UTRN: variants seen among roughly 807,000 people sequenced by gnomAD.
UTRN encodes utrophin.
UTRN carries 283 observed loss-of-function variants against 463.9 expected under a neutral mutation model. That is an observed-to-expected ratio of 0.61 (90% CI 0.55 to 0.67). The LOEUF (loss-of-function observed/expected upper bound fraction) is 0.67, where lower values mean the gene tolerates loss of function less well. Among genes scored for constraint, UTRN ranks in the 30% least tolerant of loss-of-function variants. UTRN has a pLI of 0.00. For missense variants in UTRN, 3,922 were observed against 4,084.3 expected (o/e 0.96, Z 1.08); for synonymous variants, 1,442 against 1,431.5 (o/e 1.01, Z -0.17).
chr6:144,597,235 C>CAAAAAAA lies in UTRN; in HGVS notation c.7479+19958_7479+19964dup, dbSNP rs67471247. On this transcript the variant is annotated intron_variant, in intron 51 of 74. Transcript: ENST00000367545. Reference sequence around the variant, plus strand: ...CCTGGGCAACAGAGTGAGACTGTCTCAAAAAAAAAAAAAAAAAGTGCCTTA... The same window carrying CAAAAAAA: ...CCTGGGCAACAGAGTGAGACTGTCTCAAAAAAAAAAAAAAAAAAAAAAAAGTGCCTTA... 2.2e-3 allele frequency among the ~76,000 whole-genome samples: 187 copies of CAAAAAAA among 85,560 alleles called. 3 individuals are homozygous for CAAAAAAA. The highest frequency in any genetic ancestry group is 6.3e-3 in the Middle Eastern group (1 of 160). 56.1% of individuals were successfully genotyped at this position (85,560 alleles called of 152,430 possible). A position where few individuals can be genotyped will look rare whatever the true frequency, so the allele number is the denominator to read the frequency against.
At chr6:144,447,537 G>C (rs1787818131) in intron 15 of UTRN, 65 bp from the exon 16 acceptor site, 1 of 1,567,150 alleles carries the variant, frequency 6.4e-7, no homozygotes, top group Non-Finnish European at 8.7e-7. Context: ...TAAAATTTTT[G>C]GCTGGGGAAC....
At position 144,778,727 on chromosome 6, in the gene UTRN, G is replaced by A. The variant is rs575995480; in HGVS notation, c.8633-3195G>A. On this transcript the variant is annotated intron_variant, in intron 60 of 74. Coordinates refer to ENST00000367545, the MANE Select transcript of UTRN (RefSeq NM_007124.3). ...GCTTAACAGTGTTCATTGTTTTGCA[G>A]AACAGGAGAATGATGATGCATTTCT... Among the ~76,000 whole-genome samples, 17 of 152,244 alleles carry A rather than the reference G, an allele frequency of 1.1e-4. 1 individual carries two copies. In the East Asian group the frequency reaches 3.1e-3, roughly 28 times the overall value.
intron 36 of UTRN, 49 bp downstream of exon 36, chr6:144,514,086 T>C (rs1410274777): frequency 1.2e-6 from 2 of 1,608,562 alleles, no homozygotes. Context: ...CATGTTTTGT[T>C]GTCATGTTTT....
chr6:144,704,169 T>C (rs948236060), intron 53 of UTRN, among the ~76,000 whole-genome samples: 3 of 152,318 alleles, frequency 2.0e-5, no homozygotes, highest in Middle Eastern at 3.4e-3. Context: ...ACTGGAGATA[T>C]ATCCTCACAT....
intron 51 of UTRN, among the ~76,000 whole-genome samples, chr6:144,607,416 ATCT>A (rs1370195537): frequency 6.6e-6 from 1 of 152,174 alleles, no homozygotes; most frequent in Non-Finnish European, 1.5e-5. Context: ...TTCTCTAAAC[ATCT>A]TCTCATGTCA....
chr6:144,458,440 T>C (rs1008156485), intron 19 of UTRN, among the ~76,000 whole-genome samples: 2 of 152,234 alleles, frequency 1.3e-5, no homozygotes, highest in African/African-American at 4.8e-5. Flanking sequence ...GTTGATCTTA[T>C]TTCACTGGTT....
chr6:144,475,947 G>A (rs1183641852), intron 25 of UTRN, among the ~76,000 whole-genome samples: 4 of 151,388 alleles, frequency 2.6e-5, no homozygotes, highest in Non-Finnish European at 4.4e-5. Context: ...ATGGTGGTGT[G>A]CGCCTATAGT....
chr6:144,457,327 C>G (rs1312714788), intron 19 of UTRN, among the ~76,000 whole-genome samples: 1 of 152,144 alleles, frequency 6.6e-6, no homozygotes, highest in African/African-American at 2.4e-5. Context: ...TTGAAGTGAG[C>G]ACCTCTTTCC....
Position 144,459,243 on chromosome 6 carries a change from A to G in UTRN, c.2596A>G (p.Met866Val). The change falls in exon 21 of 75, where the codon ATG (methionine) becomes GTG (valine). Residue 866 changes from methionine to valine, a missense_variant. Physicochemically the swap from Met to Val is conservative, Grantham distance 21. Around this residue, in one of 3 missense-constraint regions of UTRN, gnomAD observed 2,349 missense variants for 2,303.8 expected, o/e 1.02. Transcript: ENST00000367545. ...GGCTCGTGCAAGCTGCTCGGCCCTG[A>G]TGTCTCAGCCTTCTGCCCCAGATTT... Reference protein sequence around the residue: ...EMARASCSALMSQPSAPDFVQ... With the variant: ...EMARASCSALVSQPSAPDFVQ... 1 of 1,614,090 alleles carries G rather than the reference A, an allele frequency of 6.2e-7. No individual in the cohort carries two copies. Among genetic ancestry groups the G allele is most frequent in the Middle Eastern group, 1.6e-4 (1 of 6,062 alleles).
In UTRN at chr6:144,486,712, G is replaced by T. The variant is rs141977227; in HGVS notation, c.3823-836G>T. On this transcript the variant is annotated intron_variant, in intron 28 of 74. Coordinates refer to ENST00000367545, the MANE Select transcript of UTRN (RefSeq NM_007124.3). ...ATTTTGTATTTTTAGTAGAGATGGG[G>T]TTTTACCATGTCGGCCAGGCTGGGC... Among the ~76,000 whole-genome samples the T allele has an allele frequency of 2.5e-3, 382 of 152,282 alleles. 3 individuals are homozygous for T. Among genetic ancestry groups the T allele is most frequent in the Non-Finnish European group, 4.3e-3 (294 of 68,028 alleles).
In UTRN at chr6:144,667,022, T is replaced by TC. The variant is rs1780474609; in HGVS notation, c.7480-11383dup. ...CACCACTACTACTTCTTCTTCCTCT[T>TC]CTTCCTCCTCCTCCTCCTCCTCCTC... On this transcript the variant is annotated intron_variant, in intron 51 of 74. Coordinates refer to ENST00000367545, the MANE Select transcript of UTRN (RefSeq NM_007124.3). Among the ~76,000 whole-genome samples the TC allele has an allele frequency of 2.0e-5, 3 of 147,298 alleles. No homozygotes were observed. In the East Asian group the frequency reaches 6.1e-4, roughly 30 times the overall value.
At chr6:144,783,502 G>GTATAA (rs1195408475) in intron 61 of UTRN, among the ~76,000 whole-genome samples, 2 of 152,082 alleles carry the variant, frequency 1.3e-5, no homozygotes, top group East Asian at 3.9e-4. Flanking sequence ...TTCAATACAT[G>GTATAA]TATACAGTTT....
At chr6:144,593,768 T>C (rs936437094) in intron 51 of UTRN, among the ~76,000 whole-genome samples, 1 of 152,188 alleles carries the variant, frequency 6.6e-6, no homozygotes, top group Non-Finnish European at 1.5e-5. Flanking sequence ...TCATTTACAT[T>C]TTTATATTAA....
At position 144,763,674 on chromosome 6, in the gene UTRN, G is replaced by A. The variant is rs574675241; in HGVS notation, c.8495+5685G>A. Among the ~76,000 whole-genome samples, 19 of 152,238 alleles carry A rather than the reference G, an allele frequency of 1.2e-4. No homozygotes were observed. The South Asian group carries it at 3.9e-3, about 32-fold the overall frequency. On this transcript the variant is annotated intron_variant, in intron 58 of 74. Transcript: ENST00000367545. ...ATGGTCAGAGAGGAGTATCAGCAAG[G>A]CAATCTCCAAATACTCAGCCTAACA... is the stretch of plus-strand genomic sequence containing the variant.
intron 51 of UTRN, among the ~76,000 whole-genome samples, chr6:144,632,210 T>A (rs1056225777): frequency 6.6e-5 from 10 of 152,204 alleles, no homozygotes; most frequent in Non-Finnish European, 1.5e-4. Context: ...TGAAAATGGA[T>A]CCTCTTTTTT....
chr6:144,534,338 G>T (rs888357859), intron 43 of UTRN, among the ~76,000 whole-genome samples: 2 of 152,202 alleles, frequency 1.3e-5, no homozygotes, highest in Non-Finnish European at 2.9e-5. Flanking sequence ...CTGAGGCTAA[G>T]AGAGGCGAGG....
chr6:144,493,064 T>A (rs1247673958), intron 32 of UTRN, among the ~76,000 whole-genome samples: 2 of 152,240 alleles, frequency 1.3e-5, no homozygotes, highest in Non-Finnish European at 2.9e-5. Flanking sequence ...TGTCTGAGAT[T>A]TTGAAAGAAT....
At chr6:144,513,713 A>G (rs1314698833) in intron 35 of UTRN, among the ~76,000 whole-genome samples, 196 bp from the exon 36 acceptor site, 2 of 152,208 alleles carry the variant, frequency 1.3e-5, no homozygotes, top group Non-Finnish European at 1.5e-5. Context: ...AAATTTAAAA[A>G]GTGTTAAGCA....
At chr6:144,628,400 G>A (rs1776164074) in intron 51 of UTRN, among the ~76,000 whole-genome samples, 1 of 152,104 alleles carries the variant, frequency 6.6e-6, no homozygotes, top group Non-Finnish European at 1.5e-5. Flanking sequence ...GAGGGTGTTA[G>A]CCCCTTTTTT....
Sources: gnomAD v4.1 joint callset for allele counts (sites outside exome capture counted in the v4.1 genomes callset) on GRCh38, gnomAD v4.1.1 for gene constraint, gnomAD v4.1.1 regional missense constraint, MANE v1.5 for transcripts, NCBI Gene and HGNC (gene_info 2026-07-23, HGNC 2026-07-21) for gene names.